TMEM165: variants seen among roughly 807,000 people sequenced by gnomAD.
TMEM165 encodes the protein putative divalent cation/proton antiporter TMEM165.
TMEM165 carries 19 observed loss-of-function variants against 30.0 expected under a neutral mutation model. The ratio of observed to expected loss-of-function variants is 0.63; its 90% CI spans 0.44 to 0.93. TMEM165 has a LOEUF of 0.93. Among genes scored for constraint, TMEM165 ranks in the 40% least tolerant of loss-of-function variants. The probability of loss-of-function intolerance (pLI) is 0.00; values close to 1 mark genes in which losing one functional copy is unlikely to be tolerated. For missense variants in TMEM165, 340 were observed against 417.0 expected (o/e 0.82, Z 1.61); for synonymous variants, 168 against 162.9 (o/e 1.03, Z -0.24).
Position 55,411,605 on chromosome 4 carries a change from T to G in TMEM165, c.208-9T>G. ...TGATTTTAAGAAGTAACTGATTTTT[T>G]TTTTCCAGAAAATATTTACACCAGC... On this transcript the variant is annotated splice_polypyrimidine_tract_variant and intron_variant, in intron 1 of 5. Transcript: ENST00000381334. 3 of 1,599,278 alleles carry G rather than the reference T, an allele frequency of 1.9e-6. No homozygotes were observed. The highest frequency in any genetic ancestry group is 1.8e-4 in the Middle Eastern group (1 of 5,588).
At chr4:55,396,449 A>G (rs1720731588) in intron 1 of TMEM165, 53 bp downstream of exon 1, 2 of 1,349,918 alleles carry the variant, frequency 1.5e-6, no homozygotes, top group Non-Finnish European at 1.9e-6. Context: ...TGCGCCGAGT[A>G]CCAGGCTCCA....
At chr4:55,401,006 A>G (rs1419282677) in intron 1 of TMEM165, among the ~76,000 whole-genome samples, 1 of 150,490 alleles carries the variant, frequency 6.6e-6, no homozygotes, top group Non-Finnish European at 1.5e-5. Context: ...GGTAGGTAGG[A>G]TATTTAAATT....
intron 4 of TMEM165, among the ~76,000 whole-genome samples, chr4:55,421,055 G>A (rs1274460932): frequency 4.0e-5 from 6 of 150,026 alleles, no homozygotes; most frequent in African/African-American, 2.5e-5. Flanking sequence ...GGTGGCCCAC[G>A]CCTGTAGTCC....
intron 2 of TMEM165, chr4:55,416,850 C>A: frequency 2.6e-6 from 1 of 391,144 alleles, no homozygotes; most frequent in South Asian, 4.8e-5. Flanking sequence ...TCAACTGGAC[C>A]ATTGGCTTCT....
chr4:55,412,841 T>G (rs545984025), intron 2 of TMEM165: 91 of 152,284 alleles, frequency 6.0e-4, no homozygotes, highest in African/African-American at 2.1e-3. Context: ...CTAGTAAATC[T>G]CTTAAGTGTT....
chr4:55,404,036 CTTT>C (rs1721166030), intron 1 of TMEM165, among the ~76,000 whole-genome samples: 1 of 128,098 alleles, frequency 7.8e-6, no homozygotes, highest in Admixed American at 9.4e-5. Context: ...TTCCTTCCTT[CTTT>C]CTTTCCTTTT....
At chr4:55,399,066 A>C (rs1720847931) in intron 1 of TMEM165, 1 of 152,200 alleles carries the variant, frequency 6.6e-6, no homozygotes, top group Non-Finnish European at 1.5e-5. Flanking sequence ...TATATAGTTA[A>C]TTCCGGGACT....
intron 5 of TMEM165, 174 bp downstream of exon 5, chr4:55,424,817 T>C: frequency 1.9e-6 from 1 of 536,152 alleles, no homozygotes; most frequent in Non-Finnish European, 3.3e-6. Flanking sequence ...TTTTTTCACC[T>C]GTGTAGAAGT....
chr4:55,440,086 T>C (rs1723235559), intron 3 of TMEM165, among the ~76,000 whole-genome samples: 1 of 152,180 alleles, frequency 6.6e-6, no homozygotes, highest in Non-Finnish European at 1.5e-5. Context: ...GGGTGTCAGA[T>C]ATATGTGGCA....
rs1290793626 is a variant in TMEM165, at chr4:55,396,111, G to C, written c.-79G>C. 2.5e-6 allele frequency: 3 copies of C among 1,208,764 alleles called. No individual in the cohort carries two copies. Among genetic ancestry groups the C allele is most frequent in the Non-Finnish European group, 3.2e-6 (3 of 951,334 alleles). 74.9% of individuals were successfully genotyped at this position (1,208,764 alleles called of 1,614,324 possible). A position where few individuals can be genotyped will look rare whatever the true frequency, so the allele number is the denominator to read the frequency against. On this transcript the variant is annotated 5_prime_UTR_variant, in exon 1 of 6. Transcript: ENST00000381334. ...CGGCGAGTCGTGAGGACGCGCCGCG[G>C]AGGCTGTTCGGGGTCGAGGCTTCCC...
At chr4:55,400,385 AATAAAT>A (rs1483858865) in intron 1 of TMEM165, among the ~76,000 whole-genome samples, 1 of 120,272 alleles carries the variant, frequency 8.3e-6, no homozygotes, top group African/African-American at 3.1e-5. Context: ...ATATAATAAT[AATAAAT>A]AATATTAATA....
At chr4:55,436,892 C>CTTT (rs35888413) in intron 3 of TMEM165, among the ~76,000 whole-genome samples, 1,543 of 98,280 alleles carry the variant, frequency 0.016, 26 homozygotes, top group East Asian at 0.052. Context: ...TTTGGGATGC[C>CTTT]TTTTTTTTTT....
chr4:55,428,583 AAT>A (rs1722331200), downstream of TMEM165: 1 of 152,186 alleles, frequency 6.6e-6, no homozygotes, highest in Non-Finnish European at 1.5e-5. Context: ...TCTCAAGATC[AAT>A]TAGCCGTTTT....
At chr4:55,448,601 CGTGTGTGTGTGTGT>C (rs3034980) in intron 3 of TMEM165, among the ~76,000 whole-genome samples, 2,074 of 117,028 alleles carry the variant, frequency 0.018, 55 homozygotes, top group African/African-American at 0.055. Context: ...CGCACGCGCG[CGTGTGTGTGTGTGT>C]GTGTGTGTGT....
intron 3 of TMEM165, chr4:55,442,486 T>C: frequency 6.2e-7 from 1 of 1,606,132 alleles, no homozygotes; most frequent in Non-Finnish European, 8.5e-7. Context: ...GGTGCTGTTT[T>C]GTGGCATACT....
chr4:55,405,035 A>G (rs1721214931), intron 1 of TMEM165, among the ~76,000 whole-genome samples: 1 of 152,094 alleles, frequency 6.6e-6, no homozygotes, highest in Non-Finnish European at 1.5e-5. Context: ...AATATCTAAG[A>G]TAGTTTTTTT....
chr4:55,398,901 T>G (rs1720841444), intron 1 of TMEM165: 2 of 151,934 alleles, frequency 1.3e-5, no homozygotes, highest in Non-Finnish European at 2.9e-5. Context: ...ACAACCCGAT[T>G]TTTAATAGTG....
intron 3 of TMEM165, chr4:55,449,965 A>G (rs1017586220): frequency 2.9e-5 from 33 of 1,152,000 alleles, no homozygotes; most frequent in African/African-American, 6.2e-5. Flanking sequence ...TGGAAAGGTT[A>G]CTACATTTCA....
In TMEM165 at chr4:55,448,601, C is replaced by CGCGCGTGTGT. The variant is rs764071880; in HGVS notation, c.409-3637_409-3636insCGCGTGTGTG. On this transcript the variant is annotated intron_variant, in intron 3 of 3. Coordinates refer to the TMEM165 transcript ENST00000608091. ...ATATATGTGCGCGCGCGCACGCGCG[C>CGCGCGTGTGT]GTGTGTGTGTGTGTGTGTGTGTGTG... Among the ~76,000 whole-genome samples, 695 of 117,010 alleles carry CGCGCGTGTGT rather than the reference C, an allele frequency of 5.9e-3. 4 individuals are homozygous for CGCGCGTGTGT. Among genetic ancestry groups the CGCGCGTGTGT allele is most frequent in the South Asian group, 0.017 (60 of 3,460 alleles). The allele number at this position is 117,010 out of a possible 152,430, so 76.8% of individuals were successfully genotyped here.
Sources: allele counts gnomAD v4.1 joint callset (sites outside exome capture counted in the v4.1 genomes callset), GRCh38; gene constraint gnomAD v4.1.1; transcripts MANE v1.5; gene names NCBI Gene and HGNC (gene_info 2026-07-23, HGNC 2026-07-21).